MGRN1: variants seen among roughly 807,000 people sequenced by gnomAD.
MGRN1 encodes the protein mahogunin ring finger 1, also known as E3 ubiquitin-protein ligase MGRN1.
Under a neutral mutation model 69.2 loss-of-function variants are expected in MGRN1, and 29 were observed. The observed-to-expected ratio is 0.42, with a 90% CI of 0.31 to 0.57. The LOEUF (loss-of-function observed/expected upper bound fraction) is 0.57. Among genes scored for constraint, MGRN1 ranks in the 20% least tolerant of loss-of-function variants. The pLI, the probability that MGRN1 is intolerant of heterozygous loss-of-function variation, is 0.15. For synonymous variants in MGRN1, 470 were observed against 344.2 expected, an observed-to-expected ratio of 1.37 and a Z score of -4.04; for missense variants, 998 against 796.2, an observed-to-expected ratio of 1.25 and a Z score of -3.05.
chr16:4,650,075 G>T, intron 1 of MGRN1: 1 of 232,746 alleles, frequency 4.3e-6, no homozygotes, highest in Non-Finnish European at 8.4e-6. Flanking sequence ...GGCTGAGGCG[G>T]GCGGATTACC....
chr16:4,648,381 A>C (rs111831916), intron 1 of MGRN1, among the ~76,000 whole-genome samples: 28 of 46,368 alleles, frequency 6.0e-4, no homozygotes, highest in Admixed American at 1.9e-3. Flanking sequence ...CCTCCCGGGG[A>C]CTCTTCCCGT....
At chr16:4,627,583 G>A (rs58195453) in intron 1 of MGRN1, among the ~76,000 whole-genome samples, 30 of 147,828 alleles carry the variant, frequency 2.0e-4, no homozygotes, top group Admixed American at 4.7e-4. Flanking sequence ...GTCAGGAGAT[G>A]GAGACCATCC....
chr16:4,665,021 G>T (rs2078768860), intron 6 of MGRN1, 81 bp from the exon 7 acceptor site: 1 of 1,525,624 alleles, frequency 6.6e-7, no homozygotes, highest in Non-Finnish European at 9.1e-7. Context: ...CGGTGCCGCA[G>T]GCCTACCAGG....
intron 1 of MGRN1, among the ~76,000 whole-genome samples, chr16:4,648,843 G>GA (rs372041108): frequency 2.5e-5 from 3 of 117,794 alleles, no homozygotes; most frequent in South Asian, 2.8e-4. Flanking sequence ...TCCTCCCGGG[G>GA]CTCTTCCCGT....
chr16:4,687,087 C>T (rs988246825), intron 16 of MGRN1: 5 of 985,358 alleles, frequency 5.1e-6, no homozygotes, highest in African/African-American at 1.7e-5. Flanking sequence ...CACAGTCCCT[C>T]GTGGGCTGCC....
chr16:4,675,830 C>T (rs1596310549), intron 10 of MGRN1, among the ~76,000 whole-genome samples: 1 of 152,076 alleles, frequency 6.6e-6, no homozygotes, highest in South Asian at 2.1e-4. Context: ...GCATTCCAGA[C>T]ATTTCCTCAG....
chr16:4,675,582 T>C (rs1175335469), intron 10 of MGRN1, among the ~76,000 whole-genome samples: 5 of 151,844 alleles, frequency 3.3e-5, no homozygotes. Flanking sequence ...GTACAAAAAG[T>C]TAAAAGTTAG....
intron 16 of MGRN1, chr16:4,687,524 A>ACGGGGC: frequency 1.0e-6 from 1 of 980,852 alleles, no homozygotes; most frequent in African/African-American, 1.8e-5. Flanking sequence ...AAAAAAATAC[A>ACGGGGC]CACACACCCA....
intron 8 of MGRN1, among the ~76,000 whole-genome samples, chr16:4,670,288 G>T (rs1217383892): frequency 6.6e-6 from 1 of 152,176 alleles, no homozygotes; most frequent in Non-Finnish European, 1.5e-5. Context: ...TGTCGCCGAG[G>T]CTGGAGTGCA....
At chr16:4,684,000 C>A in intron 16 of MGRN1, 68 bp downstream of exon 16, 2 of 1,370,670 alleles carry the variant, frequency 1.5e-6, no homozygotes, top group Non-Finnish European at 2.0e-6. Flanking sequence ...GGGGGCCCTG[C>A]TCTGATGGTC....
At chr16:4,672,959 C>T (rs1015912937) in intron 9 of MGRN1, among the ~76,000 whole-genome samples, 2 of 152,190 alleles carry the variant, frequency 1.3e-5, no homozygotes, top group Non-Finnish European at 2.9e-5. Flanking sequence ...CTGCCTCAGC[C>T]TCCTGAGTAG....
chr16:4,646,919 AAGGCCTGGC>A (rs141709242), intron 1 of MGRN1, among the ~76,000 whole-genome samples: 1,643 of 152,268 alleles, frequency 0.011, 40 homozygotes, highest in African/African-American at 0.038. Context: ...CTCGGCCTGG[AAGGCCTGGC>A]AGGGACAAGC....
intron 9 of MGRN1, 52 bp from the exon 10 acceptor site, chr16:4,673,446 C>G: frequency 6.3e-7 from 1 of 1,587,948 alleles, no homozygotes; most frequent in Non-Finnish European, 8.6e-7. Context: ...GAAGCAGGAG[C>G]CGTACTCTGG....
chr16:4,665,561 G>A (rs763012911), intron 7 of MGRN1, among the ~76,000 whole-genome samples: 11 of 151,248 alleles, frequency 7.3e-5, no homozygotes, highest in Non-Finnish European at 1.5e-4. Context: ...TAGAAACAGC[G>A]TTTCATCATG....
chr16:4,664,216 T>A, intron 5 of MGRN1: 1 of 177,656 alleles, frequency 5.6e-6, no homozygotes, highest in Non-Finnish European at 1.2e-5. Flanking sequence ...GCAGCACCGA[T>A]GCGTGCTGCA....
Position 4,682,936 on chromosome 16 carries a change from G to C in MGRN1, c.1472G>C (p.Ser491Thr). 1 of 1,589,716 alleles carries C rather than the reference G, an allele frequency of 6.3e-7. No individual in the cohort carries two copies. Among genetic ancestry groups the C allele is most frequent in the Non-Finnish European group, 8.6e-7 (1 of 1,165,444 alleles). ...GCAGAGCTGGCCCTGCGGGAAAGCA[G>C]CTCCCCTGAGGTGAGGCCCCCCCGG... ...GGAELALRES[S>T]SPESFITEEV... The change falls in exon 14 of 17, where the codon AGC (serine) becomes ACC (threonine). Residue 491 changes from serine (S) to threonine (T), a missense_variant. Coordinates refer to ENST00000262370, the MANE Select transcript of MGRN1 (RefSeq NM_015246.4).
chr16:4,669,431 CAAA>C (rs58001283), intron 8 of MGRN1, among the ~76,000 whole-genome samples: 11 of 92,996 alleles, frequency 1.2e-4, no homozygotes, highest in Non-Finnish European at 1.3e-4. Context: ...AAGACTGTGT[CAAA>C]AAAAAAAAAA....
rs1474509251 is a variant in MGRN1 at position 4,673,610 on chromosome 16, C to G, written c.908C>G (p.Ala303Gly). 6.2e-7 allele frequency: 1 copy of G among 1,613,720 alleles called. No homozygotes were observed. The highest frequency in any genetic ancestry group is 1.1e-5 in the South Asian group (1 of 91,074). The change falls in exon 10 of 17, where the codon GCC becomes GGC. Residue 303 changes from alanine (A) to glycine (G), a missense_variant. Ala to Gly is a moderately conservative substitution (Grantham distance 60). Coordinates refer to ENST00000262370, the MANE Select transcript of MGRN1 (RefSeq NM_015246.4). ...CACCTGTGCCTCTGTACCTCCTGCGCCGACACGCTGCGCTACCAGGCCAAC... is the reference window on the plus strand; with the variant it reads ...CACCTGTGCCTCTGTACCTCCTGCGGCGACACGCTGCGCTACCAGGCCAAC... ...CRHLCLCTSC[A>G]DTLRYQANNC...
chr16:4,663,870 C>G (rs945686748), intron 5 of MGRN1, among the ~76,000 whole-genome samples: 1 of 152,226 alleles, frequency 6.6e-6, no homozygotes, highest in Non-Finnish European at 1.5e-5. Flanking sequence ...AGCCTGTGCA[C>G]AGCAGGGGGT....
Sources: gnomAD v4.1 joint callset for allele counts (sites outside exome capture counted in the v4.1 genomes callset) on GRCh38, gnomAD v4.1.1 for gene constraint, MANE v1.5 for transcripts, NCBI Gene and HGNC (gene_info 2026-07-23, HGNC 2026-07-21) for gene names.